TNXB: variants seen among roughly 807,000 people sequenced by gnomAD.
TNXB encodes the protein tenascin-X.
In TNXB, 183 loss-of-function variants were observed where a neutral mutation model predicts 340.5. The ratio of observed to expected loss-of-function variants is 0.54; its 90% CI spans 0.48 to 0.61. The LOEUF (loss-of-function observed/expected upper bound fraction) is 0.61. TNXB is among the 20% of genes least tolerant of loss of function. TNXB has a pLI of 0.00. For missense variants in TNXB, 4,613 were observed against 5,446.4 expected, an observed-to-expected ratio of 0.85 and a Z score of 4.82; for synonymous variants, 2,121 against 2,314.5, an observed-to-expected ratio of 0.92 and a Z score of 2.40.
Position 32,073,077 on chromosome 6 carries a change from C to G in TNXB, c.4681+570G>C, listed in dbSNP as rs1227366306. ...GTGGGGTAGGGGTTTCACCAGATGC[C>G]ACAGCACAACAATCATGGAGAACCT... On this transcript the variant is annotated intron_variant, in intron 12 of 43. Coordinates refer to ENST00000644971, the MANE Select transcript of TNXB (RefSeq NM_001365276.2). The surrounding 1 kb of genome is among the most constrained non-coding windows in gnomAD (Gnocchi z 4.6). Among the ~76,000 whole-genome samples, 1 of 152,062 alleles carries G rather than the reference C, an allele frequency of 6.6e-6. No homozygotes were observed.
In TNXB at chr6:32,056,597, A is replaced by G. The variant is rs28361051; in HGVS notation, c.8132T>C (p.Ile2711Thr). Residue 2711 changes from isoleucine (I) to threonine (T), a missense_variant, in exon 23 of 44, where the codon ATT (isoleucine) becomes ACT (threonine). By Grantham distance (89) the Ile-to-Thr change is moderately conservative. Around this residue, in one of 7 missense-constraint regions of TNXB, gnomAD observed 4,327 missense variants for 4,859.4 expected, o/e 0.89. Transcript: ENST00000644971. ...GGQRVGPISV[I>T]GVTAAEEETP... ...CATCATCCACTCACCCGTCACCCCA[A>G]TGACAGAGATGGGGCCCACGCGCTG... 16,612 of 1,612,982 alleles carry G rather than the reference A, an allele frequency of 0.01. 130 individuals are homozygous for G. The highest frequency in any genetic ancestry group is 0.011 in the Non-Finnish European group (12,504 of 1,179,832).
In TNXB at chr6:32,043,730, G is replaced by A. The variant is rs762185803; in HGVS notation, c.11530+19C>T. On this transcript the variant is annotated intron_variant, in intron 35 of 43. Coordinates refer to ENST00000644971, the MANE Select transcript of TNXB (RefSeq NM_001365276.2). The stretch of plus-strand genomic sequence containing the variant: ...TTTCTTGGCTCCCACCTCTTGCCCC[G>A]GGTCCCAGTCCATCTCACCCGTGGT... 8.4e-5 allele frequency: 136 copies of A among 1,613,308 alleles called. No homozygotes were observed. The highest frequency in any genetic ancestry group is 9.5e-5 in the Non-Finnish European group (112 of 1,180,010).
chr6:32,042,294 A>C lies in TNXB; in HGVS notation c.12279T>G (p.Phe4093Leu), dbSNP rs1421722776. ...WRDWEDYAHG[F>L]GNISGEFWLG... Reference sequence around the variant, plus strand: ...GCCAGAACTCTCCAGAGATGTTCCCAAAACCATGGGCATAGTCCTCCCAGT... The same window carrying C: ...GCCAGAACTCTCCAGAGATGTTCCCCAAACCATGGGCATAGTCCTCCCAGT... The change falls in exon 41 of 44, where the codon TTT (phenylalanine) becomes TTG (leucine). Residue 4093 changes from phenylalanine (F) to leucine (L), a missense_variant. This residue lies in a region of TNXB where 121 missense variants were observed against 177.4 expected (regional missense o/e 0.68). Transcript: ENST00000644971. 1 of 1,464,864 alleles carries C rather than the reference A, an allele frequency of 6.8e-7. No individual in the cohort carries two copies. The highest frequency in any genetic ancestry group is 1.1e-5 in the South Asian group (1 of 87,094). The allele number at this position is 1,464,864 out of a possible 1,614,324, so 90.7% of individuals were successfully genotyped here.
chr6:32,054,907 A>T (rs918294246), intron 24 of TNXB, among the ~76,000 whole-genome samples: 22 of 152,198 alleles, frequency 1.4e-4, no homozygotes, highest in African/African-American at 4.8e-4. Flanking sequence ...CATCAACATC[A>T]GACTAGGCCA....
rs943305771 is a variant in TNXB, at chr6:32,095,109, G to T, written c.2325C>A (p.Pro775=). 8 of 1,549,070 alleles carry T rather than the reference G, an allele frequency of 5.2e-6. No homozygotes were observed. Among genetic ancestry groups the T allele is most frequent in the South Asian group, 3.6e-5 (3 of 83,542 alleles). Residue 775 remains proline, a synonymous_variant, in exon 4 of 44, where the codon CCC becomes CCA. Transcript: ENST00000644971. ...TGAACTGAATTTCATAGGCATCCAC[G>T]GGGCCAGGAGCCGGGGTCCACTCTG... ...VRTEWTPAPG[P]VDAYEIQFIP...
Position 32,056,870 on chromosome 6 carries a change from G to A in TNXB, c.7859C>T (p.Thr2620Ile). The change falls in exon 23 of 44, where the codon ACC becomes ATC. Residue 2620 changes from threonine (T) to isoleucine (I), a missense_variant. Coordinates refer to ENST00000644971, the MANE Select transcript of TNXB (RefSeq NM_001365276.2). ...DEAETTQAVP[T>I]MTPEPPIKPR... The stretch of plus-strand genomic sequence containing the variant: ...CTTGATGGGGGGCTCAGGGGTCATG[G>A]TAGGCACTGCTTGGGTGGTCTCGGC... 1 of 1,612,728 alleles carries A rather than the reference G, an allele frequency of 6.2e-7. No individual in the cohort carries two copies. The highest frequency in any genetic ancestry group is 8.5e-7 in the Non-Finnish European group (1 of 1,179,698).
rs1437853634 is a variant in TNXB, at chr6:32,064,669, A to G, written c.6841+152T>C. Among the ~76,000 whole-genome samples, 1 of 152,164 alleles carries G rather than the reference A, an allele frequency of 6.6e-6. No homozygotes were observed. On this transcript the variant is annotated intron_variant, in intron 19 of 43. Coordinates refer to ENST00000644971, the MANE Select transcript of TNXB (RefSeq NM_001365276.2). The surrounding 1 kb of genome is among the most constrained non-coding windows in gnomAD (Gnocchi z 5.3). ...CGGGCAGAAGACCTGGGGCAATACC[A>G]AAGTCTCGGAGTGAAGGCACCAGCA... is the stretch of plus-strand genomic sequence containing the variant.
chr6:32,065,177 C>A, intron 18 of TNXB, 60 bp from the exon 19 acceptor site: 4 of 1,439,444 alleles, frequency 2.8e-6, no homozygotes, highest in South Asian at 2.9e-5. Flanking sequence ...GAGGCCCCAG[C>A]TGTCTTGAAT....
rs1778826681 is a variant in TNXB at position 32,072,311 on chromosome 6, A to G, written c.4682-13T>C. ...GGTGGGAGGGGAGCTGGGATTTGGG[A>G]AGACAAAGAACATGGTTGAGATCTC... On this transcript the variant is annotated splice_polypyrimidine_tract_variant and intron_variant, in intron 12 of 43. Transcript: ENST00000644971. The surrounding 1 kb of genome is among the most constrained non-coding windows in gnomAD (Gnocchi z 4.4). The G allele has an allele frequency of 6.3e-7, 1 of 1,586,608 alleles. No homozygotes were observed. The highest frequency in any genetic ancestry group is 1.3e-5 in the African/African-American group (1 of 74,360).
chr6:32,081,618 C>A lies in TNXB; in HGVS notation c.3792G>T (p.Leu1264=). Residue 1264 remains leucine, a synonymous_variant, in exon 10 of 44, where the codon CTG becomes CTT. Coordinates refer to ENST00000644971, the MANE Select transcript of TNXB (RefSeq NM_001365276.2). This position sits in a 1 kb window ranked among gnomAD's most constrained non-coding sequence, Gnocchi z 5.1. ...PRPEFLEQPL[L]GELTVTGVTP... is the part of the protein sequence containing the mutation. ...TCACGCCGGTCACTGTCAGTTCCCC[C>A]AGGAGGGGCTGCTCCAGGAACTCAG... 1 of 1,600,312 alleles carries A rather than the reference C, an allele frequency of 6.2e-7. No homozygotes were observed. Among genetic ancestry groups the A allele is most frequent in the South Asian group, 1.1e-5 (1 of 88,322 alleles).
chr6:32,080,353 G>C lies in TNXB; in HGVS notation c.4043-988C>G, dbSNP rs1779366440. Among the ~76,000 whole-genome samples, 1 of 152,166 alleles carries C rather than the reference G, an allele frequency of 6.6e-6. No homozygotes were observed. The highest frequency in any genetic ancestry group is 2.1e-4 in the South Asian group (1 of 4,826). On this transcript the variant is annotated intron_variant, in intron 10 of 43. Coordinates refer to ENST00000644971, the MANE Select transcript of TNXB (RefSeq NM_001365276.2). The surrounding 1 kb of genome is among the most constrained non-coding windows in gnomAD (Gnocchi z 4.3). Reference sequence around the variant, plus strand: ...ATCCTCTTGAGTAGCTGGGACTACAGGCACCTGCCACCATGCCTGGCTAAT... The same window carrying C: ...ATCCTCTTGAGTAGCTGGGACTACACGCACCTGCCACCATGCCTGGCTAAT...
At position 32,068,433 on chromosome 6, in the gene TNXB, G is replaced by C. The variant is rs551447544; in HGVS notation, c.6177C>G (p.His2059Gln). The C allele has an allele frequency of 2.8e-5, 45 of 1,613,836 alleles. No homozygotes were observed. In the Middle Eastern group the frequency reaches 1.8e-3, roughly 65 times the overall value. Reference sequence around the variant, plus strand: ...ACACAGGGCCCATGCGCTGGCCACCGTGGAAGCCGTACAGGTTCATCTTGT... The same window carrying C: ...ACACAGGGCCCATGCGCTGGCCACCCTGGAAGCCGTACAGGTTCATCTTGT... ...HKYKMNLYGF[H>Q]GGQRMGPVSV... The change falls in exon 17 of 44, where the codon CAC becomes CAG. Residue 2059 changes from histidine to glutamine, a missense_variant. His to Gln is a conservative substitution (Grantham distance 24, BLOSUM62 0). Coordinates refer to ENST00000644971, the MANE Select transcript of TNXB (RefSeq NM_001365276.2). This position sits in a 1 kb window ranked among gnomAD's most constrained non-coding sequence, Gnocchi z 5.3.
In TNXB at chr6:32,053,687, G is replaced by T. The variant is rs772227977; in HGVS notation, c.8492C>A (p.Thr2831Asn). Residue 2831 changes from threonine to asparagine, a missense_variant, in exon 25 of 44, where the codon ACC becomes AAC. Thr to Asn is a moderately conservative substitution (Grantham distance 65). This residue lies in a region of TNXB where 4,327 missense variants were observed against 4,859.4 expected (regional missense o/e 0.89). Coordinates refer to ENST00000644971, the MANE Select transcript of TNXB (RefSeq NM_001365276.2). ...VTAPEDEAET[T>N]QAVPTTTPEP... is the part of the protein sequence containing the mutation. ...AGGGGTTGTGGTGGGCACTGCTTGG[G>T]TGGTCTCTGCTTCATCCTCTGGAGC... is the stretch of plus-strand genomic sequence containing the variant. 6.2e-7 allele frequency: 1 copy of T among 1,612,864 alleles called. No homozygotes were observed. Among genetic ancestry groups the T allele is most frequent in the Admixed American group, 1.7e-5 (1 of 60,022 alleles).
In TNXB at chr6:32,048,005, G is replaced by A. The variant is rs758714743; in HGVS notation, c.10053C>T (p.Asp3351=). ...PVPVEARTAP[D]TKPSPRLGEL... is the part of the protein sequence containing the mutation. ...CCCCCAGGCGGGGAGACGGTTTGGT[G>A]TCTGGGGCTGGAAAAGACAGTGAGG... is the stretch of plus-strand genomic sequence containing the variant. Residue 3351 remains aspartate (D), a synonymous_variant, in exon 30 of 44, where the codon GAC becomes GAT. Transcript: ENST00000644971. 4.5e-5 allele frequency: 72 copies of A among 1,605,010 alleles called. No individual in the cohort carries two copies. Among genetic ancestry groups the A allele is most frequent in the Non-Finnish European group, 6.0e-5 (70 of 1,175,726 alleles).
chr6:32,060,634 T>G (rs996363489), intron 21 of TNXB, among the ~76,000 whole-genome samples: 1 of 151,892 alleles, frequency 6.6e-6, no homozygotes, highest in South Asian at 2.1e-4. Flanking sequence ...CTTACAAAAA[T>G]TTGGGCTCCT....
chr6:32,065,145 T>C (rs1242971498), intron 18 of TNXB, 28 bp from the exon 19 acceptor site: 19 of 1,511,288 alleles, frequency 1.3e-5, no homozygotes, highest in African/African-American at 2.8e-5. Flanking sequence ...CAGAATCTTT[T>C]CTCTTGCTGC....
rs1189084894 is a variant in TNXB, at chr6:32,067,013, G to T, written c.6544+648C>A. 6.6e-6 allele frequency among the ~76,000 whole-genome samples: 1 copy of T among 152,024 alleles called. No homozygotes were observed. Among genetic ancestry groups the T allele is most frequent in the Non-Finnish European group, 1.5e-5 (1 of 68,020 alleles). ...TTAAGCCCAGGAGGTTGAGGCTGCAGTGCAGTGAATTGTGACTGTGCCAGT... is the reference window on the plus strand; with the variant it reads ...TTAAGCCCAGGAGGTTGAGGCTGCATTGCAGTGAATTGTGACTGTGCCAGT... On this transcript the variant is annotated intron_variant, in intron 18 of 43. Transcript: ENST00000644971. The surrounding 1 kb of genome is among the most constrained non-coding windows in gnomAD (Gnocchi z 4.2).
chr6:32,100,677 GATC>G (rs1314901565), intron 1 of TNXB, among the ~76,000 whole-genome samples: 1 of 151,894 alleles, frequency 6.6e-6, no homozygotes, highest in Non-Finnish European at 1.5e-5. Context: ...GGTGAGCTGT[GATC>G]ATGCCACTGC....
In TNXB at chr6:32,096,540, T is replaced by C. The variant is rs1780388397; in HGVS notation, c.1313A>G (p.Asp438Gly). ...TDCGSRACPR[D>G]CRGRGRCENG... Reference sequence around the variant, plus strand: ...CTCGCAGCGCCCGCGACCTCTACAGTCGCGTGGGCAGGCGCGCGAGCCGCA... The same window carrying C: ...CTCGCAGCGCCCGCGACCTCTACAGCCGCGTGGGCAGGCGCGCGAGCCGCA... Residue 438 changes from aspartate (D) to glycine (G), a missense_variant, in exon 3 of 44, where the codon GAC becomes GGC. Asp to Gly is a moderately conservative substitution (Grantham distance 94). Transcript: ENST00000644971. 3 of 1,585,076 alleles carry C rather than the reference T, an allele frequency of 1.9e-6. No homozygotes were observed. Among genetic ancestry groups the C allele is most frequent in the Non-Finnish European group, 2.6e-6 (3 of 1,172,020 alleles).
Sources: allele counts gnomAD v4.1 joint callset (sites outside exome capture counted in the v4.1 genomes callset), GRCh38; gene constraint gnomAD v4.1.1; regional missense constraint gnomAD v4.1.1; non-coding constraint Gnocchi (gnomAD v3.1); transcripts MANE v1.5; gene names NCBI Gene and HGNC (gene_info 2026-07-23, HGNC 2026-07-21).